Variants in IQCF1 observed in about 807,000 individuals in gnomAD.
The protein encoded by IQCF1 is IQ motif containing F1.
A neutral mutation model predicts 12.5 loss-of-function variants in IQCF1; 9 were observed. That is an observed-to-expected ratio of 0.72 (90% CI 0.43 to 1.26). IQCF1 has a LOEUF of 1.26. Ranked by LOEUF, IQCF1 falls within the 50% of genes most tolerant of loss-of-function variation. The pLI is 0.00. For synonymous variants in IQCF1, 67 were observed against 96.2 expected, an observed-to-expected ratio of 0.70 and a Z score of 1.78; for missense variants, 252 against 257.4, an observed-to-expected ratio of 0.98 and a Z score of 0.14.
In IQCF1 at chr3:51,900,637, G is replaced by C. The variant is rs1699064384; in HGVS notation, c.108+2348C>G. On this transcript the variant is annotated intron_variant, in intron 2 of 3. Transcript: ENST00000310914. This position sits in a 1 kb window ranked among gnomAD's most constrained non-coding sequence, Gnocchi z 4.2. ...ACCAGGAGTCTTGCCCCGCGATGTA[G>C]AGCTTTTATACCATAGTTGGTCCAG... Among the ~76,000 whole-genome samples the C allele has an allele frequency of 6.6e-6, 1 of 152,172 alleles. No individual in the cohort carries two copies. The highest frequency in any genetic ancestry group is 6.5e-5 in the Admixed American group (1 of 15,274).
At chr3:51,902,963 T>C (rs777853531) in intron 2 of IQCF1, 22 bp downstream of exon 2, 2 of 1,561,526 alleles carry the variant, frequency 1.3e-6, no homozygotes, top group Non-Finnish European at 1.8e-6. Context: ...ATCAATGACA[T>C]CCAAGTCAGG....
Position 51,903,274 on chromosome 3 carries a change from G to T in IQCF1, c.-2C>A. 1 of 1,613,954 alleles carries T rather than the reference G, an allele frequency of 6.2e-7. No homozygotes were observed. The highest frequency in any genetic ancestry group is 8.5e-7 in the Non-Finnish European group (1 of 1,179,868). ...GTGTGTCTGGCTTTCTCTTACCATT[G>T]GTCACATATGGATTGATTGTAGATG... On this transcript the variant is annotated 5_prime_UTR_variant, in exon 1 of 4. Coordinates refer to ENST00000310914, the MANE Select transcript of IQCF1 (RefSeq NM_152397.3).
rs756318248 is a variant in IQCF1 at position 51,903,284 on chromosome 3, G to A, written c.-12C>T. ...CTTTCTCTTACCATTGGTCACATAT[G>A]GATTGATTGTAGATGGTTCAAATCC... On this transcript the variant is annotated 5_prime_UTR_variant, in exon 1 of 4. Coordinates refer to ENST00000310914, the MANE Select transcript of IQCF1 (RefSeq NM_152397.3). 1.2e-6 allele frequency: 2 copies of A among 1,613,964 alleles called. No individual in the cohort carries two copies. Among genetic ancestry groups the A allele is most frequent in the Non-Finnish European group, 1.7e-6 (2 of 1,179,818 alleles).
chr3:51,902,714 GA>G, intron 2 of IQCF1: 1 of 409,828 alleles, frequency 2.4e-6, no homozygotes, highest in Non-Finnish European at 4.6e-6. Flanking sequence ...GCCAATAGGG[GA>G]ATGACACAGC....
rs1699068619 is a variant in IQCF1, at chr3:51,900,956, T to G, written c.108+2029A>C. Reference sequence around the variant, plus strand: ...TGAACCCCCACCGCCTGCACCTTCCTCTAAGCCTTCTTCCAAAACCTCTCA... The same window carrying G: ...TGAACCCCCACCGCCTGCACCTTCCGCTAAGCCTTCTTCCAAAACCTCTCA... On this transcript the variant is annotated intron_variant, in intron 2 of 3. Coordinates refer to ENST00000310914, the MANE Select transcript of IQCF1 (RefSeq NM_152397.3). This position sits in a 1 kb window ranked among gnomAD's most constrained non-coding sequence, Gnocchi z 4.2. 6.6e-6 allele frequency among the ~76,000 whole-genome samples: 1 copy of G among 152,202 alleles called. No individual in the cohort carries two copies. Among genetic ancestry groups the G allele is most frequent in the Non-Finnish European group, 1.5e-5 (1 of 68,034 alleles).
rs1698996677 is a variant in IQCF1 at position 51,895,844 on chromosome 3, T to A, written c.172-508A>T. ...TTTCTATGTTGCCCAAATTCCTATC[T>A]AAGGGGTCTGGGGAGTCATGCCCCA... On this transcript the variant is annotated intron_variant, in intron 3 of 3. Transcript: ENST00000310914. The surrounding 1 kb of genome is among the most constrained non-coding windows in gnomAD (Gnocchi z 4.8). Among the ~76,000 whole-genome samples the A allele has an allele frequency of 3.3e-5, 5 of 152,320 alleles. No individual in the cohort carries two copies. In the South Asian group the frequency reaches 1.0e-3, roughly 32 times the overall value.
Position 51,900,944 on chromosome 3 carries a change from C to T in IQCF1, c.108+2041G>A, listed in dbSNP as rs1699068434. Among the ~76,000 whole-genome samples, 1 of 152,192 alleles carries T rather than the reference C, an allele frequency of 6.6e-6. No individual in the cohort carries two copies. Among genetic ancestry groups the T allele is most frequent in the South Asian group, 2.1e-4 (1 of 4,834 alleles). ...AATGCATTTCTTTGAACCCCCACCG[C>T]CTGCACCTTCCTCTAAGCCTTCTTC... is the stretch of plus-strand genomic sequence containing the variant. On this transcript the variant is annotated intron_variant, in intron 2 of 3. Transcript: ENST00000310914. This position sits in a 1 kb window ranked among gnomAD's most constrained non-coding sequence, Gnocchi z 4.2.
intron 2 of IQCF1, among the ~76,000 whole-genome samples, chr3:51,902,256 A>G (rs1427457423): frequency 1.3e-5 from 2 of 152,138 alleles, no homozygotes; most frequent in Non-Finnish European, 1.5e-5. Flanking sequence ...TCCCTTAACT[A>G]TTCTCCACCT....
chr3:51,896,103 C>T lies in IQCF1; in HGVS notation c.171+729G>A, dbSNP rs111381250. ...CTTTTTCTTCCAGACCCTCTCAATC[C>T]TAAAGAGATTAACTAACATCTGAAT... On this transcript the variant is annotated intron_variant, in intron 3 of 3. Coordinates refer to ENST00000310914, the MANE Select transcript of IQCF1 (RefSeq NM_152397.3). 5.1e-4 allele frequency among the ~76,000 whole-genome samples: 77 copies of T among 152,332 alleles called. 1 individual carries two copies. Among genetic ancestry groups the T allele is most frequent in the African/African-American group, 1.7e-3 (72 of 41,578 alleles).
chr3:51,899,864 AT>A (rs921297661), intron 2 of IQCF1, among the ~76,000 whole-genome samples: 1 of 152,240 alleles, frequency 6.6e-6, no homozygotes, highest in Non-Finnish European at 1.5e-5. Flanking sequence ...CTTATCTGGT[AT>A]AAAAATCATA....
chr3:51,899,493 T>C (rs375618809), intron 2 of IQCF1, among the ~76,000 whole-genome samples: 2 of 152,368 alleles, frequency 1.3e-5, no homozygotes, highest in East Asian at 3.9e-4. Context: ...AAAAGGATTA[T>C]AAGGAGGCAT....
chr3:51,897,279 G>A (rs1699018827), intron 2 of IQCF1, among the ~76,000 whole-genome samples: 1 of 152,172 alleles, frequency 6.6e-6, no homozygotes, highest in Non-Finnish European at 1.5e-5. Context: ...CGGGCATCAG[G>A]GATAAGAACC....
chr3:51,902,520 C>A (rs892535879), intron 2 of IQCF1, among the ~76,000 whole-genome samples: 1 of 152,186 alleles, frequency 6.6e-6, no homozygotes. Flanking sequence ...ATTACCTACT[C>A]CCCCCTGACT....
In IQCF1 at chr3:51,903,334, A is replaced by G. The variant is rs1208290141; in HGVS notation, c.-62T>C. The G allele has an allele frequency of 3.0e-5, 47 of 1,582,658 alleles. 1 individual carries two copies. Among genetic ancestry groups the G allele is most frequent in the South Asian group, 2.8e-4 (25 of 90,484 alleles). ...CCCTCACATCTGTGTTCATCCAGCC[A>G]TAGCATAGGCAGGAAGGGTGGAGGA... On this transcript the variant is annotated 5_prime_UTR_variant, in exon 1 of 4. The change abolishes an upstream ATG in the 5' untranslated region. Transcript: ENST00000310914.
rs200409224 is a variant in IQCF1 at position 51,894,993 on chromosome 3, T to C, written c.515A>G (p.Gln172Arg). Residue 172 changes from glutamine to arginine, a missense_variant, in exon 4 of 4, where the codon CAG (glutamine) becomes CGG (arginine). By Grantham distance (43) the Gln-to-Arg change is conservative. Coordinates refer to ENST00000310914, the MANE Select transcript of IQCF1 (RefSeq NM_152397.3). ...CAGCTGGTTGGCTGTGACTCTGTAC[T>C]GGCCCTTGATGAACCCCCGGGAAGC... The part of the protein sequence containing the change: ...SCASRGFIKG[Q>R]YRVTANQLHL... The C allele has an allele frequency of 6.9e-5, 111 of 1,614,118 alleles. No individual in the cohort carries two copies. The highest frequency in any genetic ancestry group is 7.3e-5 in the Non-Finnish European group (86 of 1,180,046).
Position 51,895,404 on chromosome 3 carries a change from G to GA in IQCF1, c.172-69dup. On this transcript the variant is annotated intron_variant, in intron 3 of 3. Coordinates refer to ENST00000310914, the MANE Select transcript of IQCF1 (RefSeq NM_152397.3). The surrounding 1 kb of genome is among the most constrained non-coding windows in gnomAD (Gnocchi z 4.8). ...TGGCTTCAGCTCTGGGGTGTGCCAGGAAAGGCCCTGATTCCCTATCAGCAA... is the reference window on the plus strand; with the variant it reads ...TGGCTTCAGCTCTGGGGTGTGCCAGGAAAAGGCCCTGATTCCCTATCAGCAA... The GA allele has an allele frequency of 7.4e-7, 1 of 1,357,640 alleles. No individual in the cohort carries two copies. Among genetic ancestry groups the GA allele is most frequent in the Non-Finnish European group, 1.0e-6 (1 of 989,964 alleles). 84.1% of individuals were successfully genotyped at this position (1,357,640 alleles called of 1,614,324 possible). A position where few individuals can be genotyped will look rare whatever the true frequency, so the allele number is the denominator to read the frequency against.
rs1699059149 is a variant in IQCF1, at chr3:51,900,225, T to G, written c.108+2760A>C. ...ACCCTGTGCTGCTAACCACCGAGAC[T>G]GCTGTTGTACAGCGGAAAGGGGATG... On this transcript the variant is annotated intron_variant, in intron 2 of 3. Coordinates refer to ENST00000310914, the MANE Select transcript of IQCF1 (RefSeq NM_152397.3). The surrounding 1 kb of genome is among the most constrained non-coding windows in gnomAD (Gnocchi z 4.2). Among the ~76,000 whole-genome samples, 1 of 151,664 alleles carries G rather than the reference T, an allele frequency of 6.6e-6. No homozygotes were observed. Among genetic ancestry groups the G allele is most frequent in the African/African-American group, 2.4e-5 (1 of 41,208 alleles).
intron 2 of IQCF1, among the ~76,000 whole-genome samples, chr3:51,898,027 GAAAAATATTCA>G (rs1699031906): frequency 6.6e-6 from 1 of 152,138 alleles, no homozygotes; most frequent in East Asian, 1.9e-4. Context: ...CCAGTAGTAA[GAAAAATATTCA>G]GAACACCCCT....
In IQCF1 at chr3:51,894,919, C is replaced by CT. The variant is rs1559734504; in HGVS notation, c.588dup (p.Glu197ArgfsTer?). On this transcript the variant is annotated frameshift_variant, in exon 4 of 4. Coordinates refer to ENST00000310914, the MANE Select transcript of IQCF1 (RefSeq NM_152397.3). LOFTEE classifies it high-confidence loss of function. ...TCCTTTATTGAGAAGGGAATACACT[C>CT]TGTCACAATGCAAGGCCCTGAGTCC... 3.1e-6 allele frequency: 5 copies of CT among 1,614,140 alleles called. No individual in the cohort carries two copies. Among genetic ancestry groups the CT allele is most frequent in the Non-Finnish European group, 4.2e-6 (5 of 1,180,030 alleles).
Sources: allele counts gnomAD v4.1 joint callset (sites outside exome capture counted in the v4.1 genomes callset), GRCh38; gene constraint gnomAD v4.1.1; non-coding constraint Gnocchi (gnomAD v3.1); transcripts MANE v1.5; gene names NCBI Gene and HGNC (gene_info 2026-07-23, HGNC 2026-07-21).